Variants in PARD3 observed in about 807,000 individuals in gnomAD.
PARD3 encodes the protein par-3 family cell polarity regulator.
Under a neutral mutation model 155.4 loss-of-function variants are expected in PARD3, and 75 were observed. The observed-to-expected ratio is 0.48, with a 90% confidence interval of 0.40 to 0.58. PARD3 has a LOEUF of 0.58. PARD3 is among the 20% of genes least tolerant of loss of function. PARD3 has a pLI of 0.00. For missense variants in PARD3, 1,642 were observed against 1,721.7 expected (o/e 0.95, Z 0.82); for synonymous variants, 576 against 610.5 (o/e 0.94, Z 0.83).
intron 2 of PARD3, among the ~76,000 whole-genome samples, chr10:34,618,352 A>C (rs1457461643): frequency 6.6e-6 from 1 of 152,198 alleles, no homozygotes; most frequent in Admixed American, 6.5e-5. Flanking sequence ...TGACTCCCGC[A>C]AACACTGAAA....
intron 2 of PARD3, among the ~76,000 whole-genome samples, chr10:34,665,869 A>AC (rs1392292132): frequency 6.2e-4 from 93 of 149,734 alleles, no homozygotes; most frequent in African/African-American, 2.3e-3. Context: ...ACAGAACAGA[A>AC]CAGAACAGAA....
intron 2 of PARD3, among the ~76,000 whole-genome samples, chr10:34,537,947 C>G (rs1220811252): frequency 6.6e-6 from 1 of 152,148 alleles, no homozygotes; most frequent in Non-Finnish European, 1.5e-5. Flanking sequence ...AAAAACTGAC[C>G]TGATTCAGTA....
At chr10:34,149,227 T>C (rs539280017) in intron 22 of PARD3, among the ~76,000 whole-genome samples, 75 of 152,258 alleles carry the variant, frequency 4.9e-4, no homozygotes, top group African/African-American at 1.6e-3. Context: ...AAACTGATTT[T>C]GCAGTTTTAG....
At chr10:34,468,989 C>T (rs980031284) in intron 4 of PARD3, among the ~76,000 whole-genome samples, 9 of 152,118 alleles carry the variant, frequency 5.9e-5, no homozygotes, top group Non-Finnish European at 1.3e-4. Context: ...ATTCTTTCAA[C>T]AGAAGTTTAT....
At chr10:34,402,037 TAAG>T (rs1843942359) in intron 5 of PARD3, 120 bp from the exon 6 acceptor site, 4 of 804,808 alleles carry the variant, frequency 5.0e-6, no homozygotes, top group Middle Eastern at 2.3e-4. Flanking sequence ...CTGTTTCCTC[TAAG>T]AAGGATGACC....
At chr10:34,315,424 T>TA (rs759721753) in intron 20 of PARD3, among the ~76,000 whole-genome samples, 1 of 152,212 alleles carries the variant, frequency 6.6e-6, no homozygotes, top group Non-Finnish European at 1.5e-5. Context: ...ACAGAGCACT[T>TA]AAACAGATAA....
intron 12 of PARD3, among the ~76,000 whole-genome samples, chr10:34,371,486 CAAAAAAAAAAAAAAAAAAAAAAAAAAAA>C (rs968034029): frequency 7.9e-4 from 18 of 22,726 alleles, no homozygotes; most frequent in Admixed American, 5.1e-3. Context: ...ATTCTAGACT[CAAAAAAAAAAAAAAAAAAAAAAAAAAAA>C]AAAAAAAAAA....
chr10:34,254,782 T>C (rs1296775129), intron 22 of PARD3, among the ~76,000 whole-genome samples: 5 of 152,054 alleles, frequency 3.3e-5, no homozygotes, highest in African/African-American at 7.2e-5. Flanking sequence ...TCTTATTCAT[T>C]TCCATCCCTA....
chr10:34,702,407 A>C (rs1034631789), intron 1 of PARD3, among the ~76,000 whole-genome samples: 3 of 152,064 alleles, frequency 2.0e-5, no homozygotes, highest in South Asian at 2.1e-4. Context: ...AGATGGGAGG[A>C]AAAATAACAA....
intron 2 of PARD3, among the ~76,000 whole-genome samples, chr10:34,538,458 G>C (rs2083370369): frequency 6.6e-6 from 1 of 152,246 alleles, no homozygotes; most frequent in Non-Finnish European, 1.5e-5. Context: ...ATTGCAACCT[G>C]TCTGAATCAT....
chr10:34,178,146 T>C (rs991665670), intron 22 of PARD3, among the ~76,000 whole-genome samples: 2 of 152,238 alleles, frequency 1.3e-5, no homozygotes, highest in Non-Finnish European at 2.9e-5. Context: ...CTGAAAATCA[T>C]GCATTTATTA....
chr10:34,247,491 C>T (rs555559715), intron 22 of PARD3, among the ~76,000 whole-genome samples: 7 of 152,172 alleles, frequency 4.6e-5, no homozygotes, highest in African/African-American at 1.7e-4. Flanking sequence ...GACACAGCGA[C>T]TCTGAAAGAA....
chr10:34,557,926 A>G (rs1222095112), intron 2 of PARD3, among the ~76,000 whole-genome samples: 1 of 150,750 alleles, frequency 6.6e-6, no homozygotes, highest in Non-Finnish European at 1.5e-5. Context: ...TGACAGTGTG[A>G]GACCCTGACT....
intron 22 of PARD3, among the ~76,000 whole-genome samples, chr10:34,213,394 C>CT (rs1450822381): frequency 5.9e-5 from 9 of 152,172 alleles, no homozygotes; most frequent in Non-Finnish European, 1.2e-4. Flanking sequence ...GTGACCCAAG[C>CT]ACGCCCACCA....
intron 2 of PARD3, among the ~76,000 whole-genome samples, chr10:34,565,717 T>C (rs915231341): frequency 3.9e-5 from 6 of 152,156 alleles, no homozygotes; most frequent in African/African-American, 1.4e-4. Context: ...TGGCATTCAC[T>C]TTTCAGATGT....
chr10:34,331,164 GAT>G lies in PARD3; in HGVS notation c.2784_2785del (p.Lys928AsnfsTer3). The G allele has an allele frequency of 6.2e-7, 1 of 1,613,980 alleles. No individual in the cohort carries two copies. The highest frequency in any genetic ancestry group is 8.5e-7 in the Non-Finnish European group (1 of 1,179,962). ...ATCATCTACCGCGGGTTTATCATAA[GAT>G]TTGTCGATGGCAGCTCTGAAGCTCT... On this transcript the variant is annotated frameshift_variant, in exon 19 of 25. Coordinates refer to ENST00000374788, the MANE Select transcript of PARD3 (RefSeq NM_001184785.2). LOFTEE classifies it high-confidence loss of function.
chr10:34,314,931 G>T (rs993489773), intron 20 of PARD3, among the ~76,000 whole-genome samples: 6 of 152,158 alleles, frequency 3.9e-5, no homozygotes, highest in Non-Finnish European at 8.8e-5. Flanking sequence ...ACCAGCCAAG[G>T]TGGGCTGATT....
chr10:34,233,772 G>A (rs1953066417), intron 22 of PARD3, among the ~76,000 whole-genome samples: 1 of 151,948 alleles, frequency 6.6e-6, no homozygotes. Context: ...CCTAGTGCAA[G>A]CCTCCATGAT....
chr10:34,679,437 C>CA (rs1456836928), intron 2 of PARD3, among the ~76,000 whole-genome samples: 1 of 152,172 alleles, frequency 6.6e-6, no homozygotes, highest in Non-Finnish European at 1.5e-5. Context: ...CCAAAATAGA[C>CA]AGAGGGCTAT....
Sources: allele counts gnomAD v4.1 joint callset (sites outside exome capture counted in the v4.1 genomes callset), GRCh38; gene constraint gnomAD v4.1.1; transcripts MANE v1.5; gene names NCBI Gene and HGNC (gene_info 2026-07-23, HGNC 2026-07-21).